The following TM4SF4 variants were observed in gnomAD, a reference collection of about 807,000 sequenced individuals.
The protein encoded by TM4SF4 is transmembrane 4 L six family member 4.
Under a neutral mutation model 24.1 loss-of-function variants are expected in TM4SF4, and 24 were observed. The observed-to-expected ratio is 1.00, with a 90% CI of 0.72 to 1.40. The LOEUF (loss-of-function observed/expected upper bound fraction) is 1.40, where lower values mean the gene tolerates loss of function less well. Among genes scored for constraint, TM4SF4 ranks in the 40% most tolerant of loss-of-function variants. TM4SF4 has a pLI of 0.00. For missense variants in TM4SF4, 254 were observed against 254.2 expected (o/e 1.00, Z 0.01); for synonymous variants, 113 against 97.0 (o/e 1.17, Z -0.97).
intron 2 of TM4SF4, among the ~76,000 whole-genome samples, chr3:149,479,868 C>T (rs1462239337): frequency 6.6e-6 from 1 of 152,204 alleles, no homozygotes; most frequent in East Asian, 1.9e-4. Flanking sequence ...TCCCCAGAGG[C>T]CAACTGCACC....
intron 3 of TM4SF4, among the ~76,000 whole-genome samples, chr3:149,489,549 G>A (rs960246145): frequency 7.2e-5 from 11 of 152,074 alleles, no homozygotes; most frequent in South Asian, 2.1e-4. Flanking sequence ...CCTCACACAC[G>A]CACGCCCTAC....
At chr3:149,489,893 T>A (rs1734182446) in intron 3 of TM4SF4, among the ~76,000 whole-genome samples, 1 of 152,176 alleles carries the variant, frequency 6.6e-6, no homozygotes, top group African/African-American at 2.4e-5. Flanking sequence ...TCTATTTATC[T>A]CCTGTTCACT....
At chr3:149,493,019 G>A (rs1439054398) in intron 3 of TM4SF4, among the ~76,000 whole-genome samples, 1 of 152,090 alleles carries the variant, frequency 6.6e-6, no homozygotes, top group African/African-American at 2.4e-5. Flanking sequence ...AAATGAATGG[G>A]AGTAACAGCA....
intron 4 of TM4SF4, among the ~76,000 whole-genome samples, chr3:149,500,951 C>T (rs56714531): frequency 0.087 from 12,838 of 147,922 alleles, 1,073 homozygotes; most frequent in East Asian, 0.43. Context: ...GCTGAGCCCA[C>T]GATGCTGAGG....
chr3:149,475,081 G>A, intron 1 of TM4SF4, 30 bp downstream of exon 1: 1 of 1,592,504 alleles, frequency 6.3e-7, no homozygotes, highest in Non-Finnish European at 8.5e-7. Context: ...ATCCCCCTAA[G>A]GGAGATTTTC....
At chr3:149,479,637 C>T (rs974623225) in intron 2 of TM4SF4, among the ~76,000 whole-genome samples, 1 of 152,208 alleles carries the variant, frequency 6.6e-6, no homozygotes, top group Admixed American at 6.5e-5. Flanking sequence ...CATTCCCCTC[C>T]AGGCCCCAGC....
intron 3 of TM4SF4, among the ~76,000 whole-genome samples, chr3:149,493,507 T>C (rs1177525748): frequency 6.6e-6 from 1 of 152,198 alleles, no homozygotes; most frequent in Non-Finnish European, 1.5e-5. Context: ...CAGTGAGTGT[T>C]TACTGAAGGT....
intron 2 of TM4SF4, among the ~76,000 whole-genome samples, chr3:149,483,264 G>C (rs1734065393): frequency 6.6e-6 from 1 of 152,124 alleles, no homozygotes; most frequent in Non-Finnish European, 1.5e-5. Flanking sequence ...AATTTGGTTG[G>C]AGCATGGAGG....
At chr3:149,497,986 A>T (rs1166378709) in intron 3 of TM4SF4, among the ~76,000 whole-genome samples, 1 of 152,224 alleles carries the variant, frequency 6.6e-6, no homozygotes, top group Non-Finnish European at 1.5e-5. Flanking sequence ...ATATAATAAA[A>T]TATAAATATA....
intron 2 of TM4SF4, among the ~76,000 whole-genome samples, chr3:149,479,982 G>A (rs1010538302): frequency 1.3e-5 from 2 of 152,124 alleles, no homozygotes; most frequent in Admixed American, 1.3e-4. Context: ...AAAGAATCTT[G>A]GATCACCTGA....
At chr3:149,480,573 C>G (rs74342141) in intron 2 of TM4SF4, among the ~76,000 whole-genome samples, 4,817 of 152,196 alleles carry the variant, frequency 0.032, 88 homozygotes, top group Middle Eastern at 0.065. Context: ...CACTTCTTCC[C>G]GTGCCTGGCT....
At chr3:149,480,030 C>T (rs1047900168) in intron 2 of TM4SF4, among the ~76,000 whole-genome samples, 2 of 152,184 alleles carry the variant, frequency 1.3e-5, no homozygotes, top group Admixed American at 6.5e-5. Flanking sequence ...AATGGCTCTC[C>T]TCTGAGGCAG....
chr3:149,495,177 G>A (rs1321060097), intron 3 of TM4SF4: 1 of 206,676 alleles, frequency 4.8e-6, no homozygotes, highest in African/African-American at 2.4e-5. Flanking sequence ...CTTACATTAA[G>A]AAAATTGGCT....
At chr3:149,493,497 C>G (rs574603863) in intron 3 of TM4SF4, among the ~76,000 whole-genome samples, 50 of 152,296 alleles carry the variant, frequency 3.3e-4, no homozygotes, top group Admixed American at 1.6e-3. Flanking sequence ...TTCATTCATT[C>G]AGTGAGTGTT....
At chr3:149,475,320 G>T (rs11710088) in intron 1 of TM4SF4, among the ~76,000 whole-genome samples, 3 of 151,900 alleles carry the variant, frequency 2.0e-5, no homozygotes, top group Admixed American at 1.3e-4. Flanking sequence ...AGTGAAGGTC[G>T]CATAGTTTCT....
chr3:149,492,349 C>G (rs1299242843), intron 3 of TM4SF4, among the ~76,000 whole-genome samples: 1 of 152,010 alleles, frequency 6.6e-6, no homozygotes, highest in Non-Finnish European at 1.5e-5. Flanking sequence ...AGGGAGGGAG[C>G]AAAAGTAGTT....
At chr3:149,476,814 G>GTTTTTTTTTTTTTTTTTTTTTTTTT (rs67092416) in intron 2 of TM4SF4, among the ~76,000 whole-genome samples, 4 of 81,210 alleles carry the variant, frequency 4.9e-5, no homozygotes, top group Admixed American at 1.4e-4. Context: ...TTTTGTTTTT[G>GTTTTTTTTTTTTTTTTTTTTTTTTT]TTTTTTTTTT....
intron 3 of TM4SF4, among the ~76,000 whole-genome samples, chr3:149,490,371 A>G (rs1278269511): frequency 6.6e-6 from 1 of 152,228 alleles, no homozygotes; most frequent in Non-Finnish European, 1.5e-5. Context: ...TGAAACTTCT[A>G]TTGCTTGGTG....
chr3:149,483,182 G>A (rs958864368), intron 2 of TM4SF4, among the ~76,000 whole-genome samples: 9 of 152,160 alleles, frequency 5.9e-5, no homozygotes, highest in Non-Finnish European at 1.2e-4. Context: ...AGCATTAGAA[G>A]AAACTGCCCT....
Sources: allele counts gnomAD v4.1 joint callset (sites outside exome capture counted in the v4.1 genomes callset), GRCh38; gene constraint gnomAD v4.1.1; transcripts MANE v1.5; gene names NCBI Gene and HGNC (gene_info 2026-07-23, HGNC 2026-07-21).